Variants in IRAG1 observed in about 807,000 individuals in gnomAD.
IRAG1 encodes the protein inositol 1,4,5-triphosphate receptor associated 1.
Under a neutral mutation model 106.2 loss-of-function variants are expected in IRAG1, and 62 were observed. The observed-to-expected ratio is 0.58, with a 90% confidence interval of 0.48 to 0.72. IRAG1 has a LOEUF of 0.72. Ranked by LOEUF, IRAG1 falls within the 30% of genes least tolerant of loss-of-function variation. IRAG1 has a pLI of 0.00. For missense variants in IRAG1, 1,064 were observed against 1,140.7 expected, an observed-to-expected ratio of 0.93 and a Z score of 0.97; for synonymous variants, 462 against 443.9, an observed-to-expected ratio of 1.04 and a Z score of -0.51.
rs544659576 is a variant in IRAG1 at position 10,628,232 on chromosome 11, T to G, written c.653-207A>C. Reference sequence around the variant, plus strand: ...AGGAGGAAACTGAGGCACAGGGAAATCAAAGTCTCATGGCCAGGAAATGTC... The same window carrying G: ...AGGAGGAAACTGAGGCACAGGGAAAGCAAAGTCTCATGGCCAGGAAATGTC... On this transcript the variant is annotated intron_variant, in intron 6 of 20. Transcript: ENST00000423302. The surrounding 1 kb of genome is among the most constrained non-coding windows in gnomAD (Gnocchi z 4.1). The G allele has an allele frequency of 3.1e-5, 21 of 685,792 alleles. No homozygotes were observed. Among genetic ancestry groups the G allele is most frequent in the African/African-American group, 2.8e-4 (16 of 57,006 alleles). 42.5% of individuals were successfully genotyped at this position (685,792 alleles called of 1,614,324 possible).
At chr11:10,595,465 A>C (rs1017082904) in intron 15 of IRAG1, among the ~76,000 whole-genome samples, 1 of 152,126 alleles carries the variant, frequency 6.6e-6, no homozygotes, top group Non-Finnish European at 1.5e-5. Context: ...ACTGACTTTA[A>C]ATTTAAAATT....
At chr11:10,632,993 A>G (rs1345987250) in intron 3 of IRAG1, among the ~76,000 whole-genome samples, 3 of 151,934 alleles carry the variant, frequency 2.0e-5, no homozygotes, top group African/African-American at 7.3e-5. Flanking sequence ...TGCTTCTTGT[A>G]TTAATGAGGT....
chr11:10,594,050 C>G, intron 16 of IRAG1, 96 bp downstream of exon 16: 8 of 1,134,506 alleles, frequency 7.1e-6, no homozygotes, highest in Non-Finnish European at 1.0e-5. Context: ...GATTCTCTGG[C>G]ATCCATGGAT....
At chr11:10,619,877 G>A (rs1227938283) in intron 10 of IRAG1, among the ~76,000 whole-genome samples, 2 of 152,174 alleles carry the variant, frequency 1.3e-5, no homozygotes, top group Non-Finnish European at 2.9e-5. Context: ...GTTGGACACT[G>A]ACCATGGTTA....
intron 12 of IRAG1, 149 bp downstream of exon 12, chr11:10,606,593 G>C: frequency 1.3e-6 from 1 of 756,756 alleles, no homozygotes; most frequent in South Asian, 2.3e-5. Flanking sequence ...GGTTCAAGAG[G>C]GCTGGTCATG....
intron 15 of IRAG1, 88 bp downstream of exon 15, chr11:10,600,830 G>A: frequency 6.5e-7 from 1 of 1,538,016 alleles, no homozygotes; most frequent in Non-Finnish European, 8.8e-7. Flanking sequence ...ATAAGTCCTG[G>A]GGCTGTTCTG....
At chr11:10,693,008 G>C (rs1862181003) in intron 1 of IRAG1, among the ~76,000 whole-genome samples, 1 of 152,202 alleles carries the variant, frequency 6.6e-6, no homozygotes, top group Non-Finnish European at 1.5e-5. Context: ...GACAGGGACA[G>C]AGATAAAAAC....
chr11:10,623,788 C>G lies in IRAG1; in HGVS notation c.1437G>C (p.Glu479Asp), dbSNP rs867674840. 1.2e-6 allele frequency: 2 copies of G among 1,614,062 alleles called. No individual in the cohort carries two copies. Among genetic ancestry groups the G allele is most frequent in the South Asian group, 1.1e-5 (1 of 91,090 alleles). ...LKLPDLSEAA[E>D]QEKGLPSELS... ...CCCAACCCCACCTACCTTTTTCCTGCTCAGCTGCTTCACTAAGGTCTGGAA... is the reference window on the plus strand; with the variant it reads ...CCCAACCCCACCTACCTTTTTCCTGGTCAGCTGCTTCACTAAGGTCTGGAA... Residue 479 changes from glutamate (E) to aspartate (D), a missense_variant, in exon 10 of 21, where the codon GAG becomes GAC. Transcript: ENST00000423302.
chr11:10,615,801 G>A (rs769556395), intron 10 of IRAG1, among the ~76,000 whole-genome samples: 34 of 151,810 alleles, frequency 2.2e-4, no homozygotes, highest in Middle Eastern at 3.2e-3. Flanking sequence ...GGGGATGGGG[G>A]AGGGATAGCA....
At position 10,573,341 on chromosome 11, in the gene IRAG1, C is replaced by T. The variant is rs1850679546; in HGVS notation, c.*2991G>A. 6.6e-6 allele frequency: 1 copy of T among 152,192 alleles called. No homozygotes were observed. The highest frequency in any genetic ancestry group is 6.5e-5 in the Admixed American group (1 of 15,278). The allele number at this position is 152,192 out of a possible 1,614,324, so 9.4% of individuals were successfully genotyped here. A position where few individuals can be genotyped will look rare whatever the true frequency, so the allele number is the denominator to read the frequency against. On this transcript the variant is annotated 3_prime_UTR_variant, in exon 21 of 21. Transcript: ENST00000423302. ...ATGACACAAACACATCACTCTGCAACTGAAGGCAGGGAACCAGACTCCTAG... is the reference window on the plus strand; with the variant it reads ...ATGACACAAACACATCACTCTGCAATTGAAGGCAGGGAACCAGACTCCTAG...
intron 14 of IRAG1, 21 bp from the exon 15 acceptor site, chr11:10,601,080 A>T: frequency 6.2e-7 from 1 of 1,613,030 alleles, no homozygotes; most frequent in Non-Finnish European, 8.5e-7. Flanking sequence ...GGAGCGCATG[A>T]GTGCATGAGG....
chr11:10,683,886 TAAAA>T (rs34835579), intron 1 of IRAG1, among the ~76,000 whole-genome samples: 92 of 147,442 alleles, frequency 6.2e-4, no homozygotes, highest in Non-Finnish European at 6.9e-4. Context: ...GTTGACACTT[TAAAA>T]AAAAAAAAAA....
intron 9 of IRAG1, among the ~76,000 whole-genome samples, 195 bp from the exon 10 acceptor site, chr11:10,624,051 G>A (rs768684006): frequency 6.6e-6 from 1 of 152,172 alleles, no homozygotes; most frequent in Non-Finnish European, 1.5e-5. Flanking sequence ...CCGTGAAGGT[G>A]CCTGAAACGC....
At chr11:10,683,001 G>T (rs907333284) in intron 1 of IRAG1, among the ~76,000 whole-genome samples, 1 of 152,190 alleles carries the variant, frequency 6.6e-6, no homozygotes, top group African/African-American at 2.4e-5. Context: ...TCAGAGTAGA[G>T]TATGTCATCC....
At chr11:10,684,456 G>T (rs925583980) in intron 1 of IRAG1, among the ~76,000 whole-genome samples, 4 of 151,952 alleles carry the variant, frequency 2.6e-5, no homozygotes, top group Non-Finnish European at 5.9e-5. Context: ...GGGGACTGTT[G>T]TGGGGTGGGG....
intron 19 of IRAG1, 82 bp downstream of exon 19, chr11:10,581,785 C>T: frequency 6.5e-7 from 1 of 1,538,266 alleles, no homozygotes. Context: ...TCCCTAAAGC[C>T]TCTAAGAAAC....
Position 10,631,997 on chromosome 11 carries a change from A to T in IRAG1, c.394T>A (p.Ser132Thr), listed in dbSNP as rs768422932. 2.0e-5 allele frequency: 32 copies of T among 1,613,458 alleles called. No homozygotes were observed. Among genetic ancestry groups the T allele is most frequent in the Non-Finnish European group, 2.7e-5 (32 of 1,179,760 alleles). ...HLKVSTASLT[S>T]VDPAGHIIDL... is the part of the protein sequence containing the mutation. The stretch of plus-strand genomic sequence containing the variant: ...AGATTGCCCTGGTCCTTACCCACAG[A>T]TGTCAGGGAGGCAGTGGACACCTTC... The change falls in exon 4 of 21, where the codon TCT becomes ACT. Residue 132 changes from serine to threonine, a missense_variant. By Grantham distance (58) the Ser-to-Thr change is moderately conservative (BLOSUM62 1). Transcript: ENST00000423302.
intron 19 of IRAG1, among the ~76,000 whole-genome samples, chr11:10,581,146 C>T (rs563035845): frequency 6.6e-6 from 1 of 152,240 alleles, no homozygotes; most frequent in African/African-American, 2.4e-5. Flanking sequence ...TTTTCTCCCC[C>T]AGGGTCAATA....
chr11:10,624,375 C>T (rs761054059), intron 9 of IRAG1, among the ~76,000 whole-genome samples: 1 of 152,110 alleles, frequency 6.6e-6, no homozygotes, highest in Admixed American at 6.5e-5. Context: ...TTTTATGGCA[C>T]CTCTTGAGTT....
Sources: allele counts gnomAD v4.1 joint callset (sites outside exome capture counted in the v4.1 genomes callset), GRCh38; gene constraint gnomAD v4.1.1; non-coding constraint Gnocchi (gnomAD v3.1); transcripts MANE v1.5; gene names NCBI Gene and HGNC (gene_info 2026-07-23, HGNC 2026-07-21).